SLC28A3: variants seen among roughly 807,000 people sequenced by gnomAD.
SLC28A3 encodes the protein solute carrier family 28 member 3, also known as concentrative Na(+)-nucleoside cotransporter 3.
In SLC28A3, 68 loss-of-function variants were observed where a neutral mutation model predicts 84.2. The ratio of observed to expected loss-of-function variants is 0.81; its 90% CI spans 0.66 to 0.99. The LOEUF is 0.99. Among genes scored for constraint, SLC28A3 ranks in the 50% least tolerant of loss-of-function variants. SLC28A3 has a pLI of 0.00. For synonymous variants in SLC28A3, 267 were observed against 303.6 expected (o/e 0.88, Z 1.25); for missense variants, 712 against 841.5 (o/e 0.85, Z 1.90).
At chr9:84,360,002 CAAAAAAA>C in the SLC28A3 span, among the ~76,000 whole-genome samples, 1 of 56,246 alleles carries the variant, frequency 1.8e-5, no homozygotes, top group Non-Finnish European at 4.0e-5. Flanking sequence ...AACTCTGTCT[CAAAAAAA>C]AAAAAAAAAA....
At chr9:84,281,719 T>C (rs1232696623) in intron 14 of SLC28A3, among the ~76,000 whole-genome samples, 1 of 152,242 alleles carries the variant, frequency 6.6e-6, no homozygotes, top group Non-Finnish European at 1.5e-5. Context: ...AACTTGAATG[T>C]CATTCAGTAG....
chr9:84,278,047 GA>G lies in SLC28A3; in HGVS notation c.*170del. 1 of 859,268 alleles carries G rather than the reference GA, an allele frequency of 1.2e-6. No homozygotes were observed. Among genetic ancestry groups the G allele is most frequent in the Middle Eastern group, 3.1e-4 (1 of 3,176 alleles). The allele number at this position is 859,268 out of a possible 1,614,324, so 53.2% of individuals were successfully genotyped here. ...GGCTGGTGGGGAGGGAGGGGAGGAG[GA>G]AAATGTTGTAGCTTTGAAGGTCCAC... On this transcript the variant is annotated 3_prime_UTR_variant, in exon 18 of 18. Transcript: ENST00000376238.
At chr9:84,341,034 C>T (rs534296197), upstream of SLC28A3, among the ~76,000 whole-genome samples, 6 of 148,706 alleles carry the variant, frequency 4.0e-5, no homozygotes, top group African/African-American at 1.0e-4. Flanking sequence ...AGTGCAGTGA[C>T]GCAATCTCGG....
chr9:84,320,800 G>A lies in SLC28A3; in HGVS notation c.61-7346C>T, dbSNP rs568249670. Among the ~76,000 whole-genome samples the A allele has an allele frequency of 1.4e-4, 22 of 152,068 alleles. 1 individual carries two copies. The East Asian group carries it at 3.7e-3, about 25-fold the overall frequency. On this transcript the variant is annotated intron_variant, in intron 1 of 17. Coordinates refer to ENST00000376238, the MANE Select transcript of SLC28A3 (RefSeq NM_001199633.2). The stretch of plus-strand genomic sequence containing the variant: ...AGGTCAGGAGTCTGAGACCAGCCTG[G>A]CCAACATGGCGAAACCCTGTCTCTA...
upstream of SLC28A3, among the ~76,000 whole-genome samples, chr9:84,342,089 G>A (rs115055623): frequency 1.9e-3 from 263 of 137,738 alleles, 3 homozygotes; most frequent in African/African-American, 6.8e-3. Flanking sequence ...AAAACGCACC[G>A]CTGCCTCCCA....
rs1031004777 is a variant in SLC28A3, at chr9:84,276,970, T to C, written c.*1248A>G. ...ATTAAGAGCAGTGGTGATGGGCATTTCGTTAAAGAGCACACCACCATTGTC... is the reference window on the plus strand; with the variant it reads ...ATTAAGAGCAGTGGTGATGGGCATTCCGTTAAAGAGCACACCACCATTGTC... On this transcript the variant is annotated 3_prime_UTR_variant, in exon 18 of 18. Coordinates refer to ENST00000376238, the MANE Select transcript of SLC28A3 (RefSeq NM_001199633.2). 2 of 152,240 alleles carry C rather than the reference T, an allele frequency of 1.3e-5. No homozygotes were observed. Among genetic ancestry groups the C allele is most frequent in the African/African-American group, 4.8e-5 (2 of 41,468 alleles). 9.4% of individuals were successfully genotyped at this position (152,240 alleles called of 1,614,324 possible).
chr9:84,325,951 G>C (rs1242702183), intron 1 of SLC28A3, among the ~76,000 whole-genome samples: 1 of 152,186 alleles, frequency 6.6e-6, no homozygotes, highest in East Asian at 1.9e-4. Context: ...TGCCAAGGCT[G>C]TAAGTGGCTT....
intron 4 of SLC28A3, among the ~76,000 whole-genome samples, chr9:84,304,831 G>A (rs1035148540): frequency 2.6e-5 from 4 of 152,114 alleles, no homozygotes; most frequent in African/African-American, 4.8e-5. Context: ...AGACCAGCCC[G>A]GCCAACACAG....
In SLC28A3 at chr9:84,294,291, C is replaced by T. The variant is rs573249151; in HGVS notation, c.862-16G>A. ...TCGGCAGGACCTGTGGGGACAGAAA[C>T]AAACATGGATTAATGATGGGTCCAG... is the stretch of plus-strand genomic sequence containing the variant. On this transcript the variant is annotated splice_polypyrimidine_tract_variant and intron_variant, in intron 8 of 17. Transcript: ENST00000376238. The T allele has an allele frequency of 6.2e-7, 1 of 1,613,702 alleles. No homozygotes were observed. Among genetic ancestry groups the T allele is most frequent in the African/African-American group, 1.3e-5 (1 of 75,010 alleles).
At chr9:84,338,826 C>A (rs1364264000) in intron 1 of SLC28A3, among the ~76,000 whole-genome samples, 3 of 152,176 alleles carry the variant, frequency 2.0e-5, no homozygotes, top group African/African-American at 7.2e-5. Flanking sequence ...GTGCCACCCT[C>A]CAAATGCCCA....
chr9:84,299,114 T>A (rs555571792), intron 6 of SLC28A3, among the ~76,000 whole-genome samples: 2 of 152,352 alleles, frequency 1.3e-5, no homozygotes, highest in African/African-American at 4.8e-5. Context: ...TTTCACGGGT[T>A]ACCAGTGGAC....
At chr9:84,362,317 A>C in the SLC28A3 span, among the ~76,000 whole-genome samples, 188 of 152,328 alleles carry the variant, frequency 1.2e-3, 1 homozygote, top group Non-Finnish European at 2.6e-4. Flanking sequence ...GAGCTATAAT[A>C]AAGTCAGAGC....
intron 1 of SLC28A3, among the ~76,000 whole-genome samples, chr9:84,317,896 A>G (rs1360178195): frequency 6.6e-6 from 1 of 152,136 alleles, no homozygotes; most frequent in African/African-American, 2.4e-5. Context: ...CAAAATCAAC[A>G]TCTGTTTGGT....
rs1470611782 is a variant in SLC28A3, at chr9:84,290,249, AATAT to A, written c.1050_1053del (p.Pro353ThrfsTer11). ...AGTTCAGACTTGGTGATGTAAGGTA[AATAT>A]GGTCGGACCAGCAGTGGAGACTCCG... On this transcript the variant is annotated frameshift_variant, in exon 11 of 18. Coordinates refer to ENST00000376238, the MANE Select transcript of SLC28A3 (RefSeq NM_001199633.2). LOFTEE classifies it high-confidence loss of function. 6.2e-7 allele frequency: 1 copy of A among 1,613,998 alleles called. No homozygotes were observed. The highest frequency in any genetic ancestry group is 1.1e-5 in the South Asian group (1 of 91,074).
At chr9:84,288,282 T>G (rs1023091467) in intron 11 of SLC28A3, 104 bp from the exon 12 acceptor site, 3 of 1,505,282 alleles carry the variant, frequency 2.0e-6, no homozygotes, top group Non-Finnish European at 2.7e-6. Context: ...GCAGGGGTTG[T>G]TTCTATTCCA....
chr9:84,362,895 T>C, the SLC28A3 span, among the ~76,000 whole-genome samples: 4 of 152,054 alleles, frequency 2.6e-5, no homozygotes, highest in African/African-American at 9.7e-5. Context: ...ACTCTTGTAT[T>C]AATACATTAA....
Position 84,277,377 on chromosome 9 carries a change from G to A in SLC28A3, c.*841C>T, listed in dbSNP as rs539162971. On this transcript the variant is annotated 3_prime_UTR_variant, in exon 18 of 18. Transcript: ENST00000376238. ...CTTGTTTTGGCTAATGGAATGTCAT[G>A]GAAGTAAAGGGTATCATTTCCTAGC... 5.9e-5 allele frequency: 9 copies of A among 152,386 alleles called. No homozygotes were observed. The highest frequency in any genetic ancestry group is 4.1e-4 in the South Asian group (2 of 4,826). 9.4% of individuals were successfully genotyped at this position (152,386 alleles called of 1,614,324 possible).
At chr9:84,322,776 T>C (rs1437920434) in intron 1 of SLC28A3, among the ~76,000 whole-genome samples, 2 of 152,016 alleles carry the variant, frequency 1.3e-5, no homozygotes, top group Non-Finnish European at 2.9e-5. Context: ...GAGGTGGAGG[T>C]TGCAGTGAGC....
At chr9:84,328,458 A>C (rs1826655665) in intron 1 of SLC28A3, among the ~76,000 whole-genome samples, 2 of 151,904 alleles carry the variant, frequency 1.3e-5, no homozygotes, top group Admixed American at 6.6e-5. Context: ...CCCTATCTCT[A>C]TAAGAAATAG....
Sources: gnomAD v4.1 joint callset for allele counts (sites outside exome capture counted in the v4.1 genomes callset) on GRCh38, gnomAD v4.1.1 for gene constraint, MANE v1.5 for transcripts, NCBI Gene and HGNC (gene_info 2026-07-23, HGNC 2026-07-21) for gene names.